The following DCAF8L2 variants were observed in gnomAD, a reference collection of about 807,000 sequenced individuals.
DCAF8L2 encodes DDB1- and CUL4-associated factor 8-like protein 2.
For missense variants in DCAF8L2, 430 were observed against 490.7 expected, an observed-to-expected ratio of 0.88 and a Z score of 1.17; for synonymous variants, 200 against 190.9, an observed-to-expected ratio of 1.05 and a Z score of -0.39.
chrX:27,671,271 T>C (rs1470735465), intron 2 of DCAF8L2, among the ~76,000 whole-genome samples: 1 of 112,276 alleles, frequency 8.9e-6, no homozygotes, highest in Non-Finnish European at 1.9e-5. Flanking sequence ...CTGGTAACTG[T>C]TAAAAAATAA....
chrX:27,676,771 G>A (rs185189037), intron 2 of DCAF8L2, among the ~76,000 whole-genome samples: 55 of 111,804 alleles, frequency 4.9e-4, no homozygotes, highest in Admixed American at 1.4e-3. Flanking sequence ...CGGTATTCAT[G>A]TATCGATTTC....
the DCAF8L2 span, among the ~76,000 whole-genome samples, chrX:27,565,194 T>C: frequency 2.7e-5 from 3 of 110,939 alleles, no homozygotes; most frequent in Non-Finnish European, 3.8e-5. Flanking sequence ...GGTTATTTCA[T>C]ATATGGCTTT....
At chrX:27,619,185 A>G (rs999615002) in intron 1 of DCAF8L2, among the ~76,000 whole-genome samples, 3 of 111,590 alleles carry the variant, frequency 2.7e-5, no homozygotes, top group African/African-American at 9.8e-5. Context: ...AAGTATGACA[A>G]TGTTTTGATG....
chrX:27,673,681 G>A (rs777474512), intron 2 of DCAF8L2, among the ~76,000 whole-genome samples: 1 of 107,839 alleles, frequency 9.3e-6, no homozygotes, highest in Non-Finnish European at 1.9e-5. Flanking sequence ...ATATGTGTGT[G>A]TATATATACG....
chrX:27,731,806 A>G (rs904755618), intron 4 of DCAF8L2, among the ~76,000 whole-genome samples: 3 of 111,933 alleles, frequency 2.7e-5, no homozygotes, highest in African/African-American at 9.7e-5. Flanking sequence ...CTATTAATTT[A>G]TTTAATGTTA....
intron 3 of DCAF8L2, among the ~76,000 whole-genome samples, chrX:27,690,579 A>G (rs1930676183): frequency 9.1e-6 from 1 of 109,898 alleles, no homozygotes; most frequent in Admixed American, 9.8e-5. Context: ...TTGCTGACAT[A>G]TGAATTACAT....
chrX:27,470,039 A>T, the DCAF8L2 span, among the ~76,000 whole-genome samples: 2 of 111,920 alleles, frequency 1.8e-5, no homozygotes, highest in African/African-American at 6.5e-5. Flanking sequence ...AAGTGCTGGG[A>T]TTACAGGCGT....
chrX:27,696,030 A>G (rs777667740), intron 3 of DCAF8L2, among the ~76,000 whole-genome samples: 14 of 107,985 alleles, frequency 1.3e-4, no homozygotes, highest in African/African-American at 4.7e-4. Flanking sequence ...CCCCATCTGC[A>G]CTTAAAGAAA....
intron 3 of DCAF8L2, among the ~76,000 whole-genome samples, chrX:27,709,199 C>T (rs1931442250): frequency 1.8e-5 from 2 of 111,953 alleles, no homozygotes; most frequent in Non-Finnish European, 3.8e-5. Context: ...GGATTACAGG[C>T]GTGAGCCACC....
chrX:27,606,230 AATATATATATATATAGGAATTATAT>A (rs1255765974), intron 1 of DCAF8L2, among the ~76,000 whole-genome samples: 25 of 82,709 alleles, frequency 3.0e-4, no homozygotes, highest in African/African-American at 3.6e-4. Flanking sequence ...CCTAGATACA[AATATATATATATATAGGAATTATAT>A]ATATATATAT....
At chrX:27,673,412 G>A (rs1236033084) in intron 2 of DCAF8L2, among the ~76,000 whole-genome samples, 1 of 104,345 alleles carries the variant, frequency 9.6e-6, no homozygotes, top group African/African-American at 3.5e-5. Flanking sequence ...GGAGGCTGAG[G>A]CACAAGAATC....
intron 3 of DCAF8L2, among the ~76,000 whole-genome samples, chrX:27,684,571 G>A (rs1030026042): frequency 1.8e-5 from 2 of 111,323 alleles, no homozygotes; most frequent in Non-Finnish European, 3.8e-5. Context: ...ATGAATATCA[G>A]AACCATAAAT....
intron 1 of DCAF8L2, among the ~76,000 whole-genome samples, chrX:27,602,737 A>G (rs1926707256): frequency 8.9e-6 from 1 of 111,775 alleles, no homozygotes; most frequent in Admixed American, 9.6e-5. Context: ...TGTTGTTATG[A>G]CTGAAATTCA....
At chrX:27,715,313 G>A (rs1446747581) in intron 3 of DCAF8L2, among the ~76,000 whole-genome samples, 1 of 100,822 alleles carries the variant, frequency 9.9e-6, no homozygotes, top group Non-Finnish European at 2.0e-5. Flanking sequence ...CTTGCAGTGA[G>A]CCAAGATCGC....
chrX:27,616,761 G>A (rs1246877287), intron 1 of DCAF8L2, among the ~76,000 whole-genome samples: 1 of 111,103 alleles, frequency 9.0e-6, no homozygotes. Context: ...TGATATCTCT[G>A]GGGGTAATTG....
At chrX:27,680,744 A>G (rs1286914393) in intron 3 of DCAF8L2, among the ~76,000 whole-genome samples, 5 of 108,927 alleles carry the variant, frequency 4.6e-5, no homozygotes, top group Non-Finnish European at 9.5e-5. Context: ...AATACTTTCA[A>G]TTGTTAAGTG....
intron 3 of DCAF8L2, among the ~76,000 whole-genome samples, chrX:27,704,055 G>GTA (rs1304401952): frequency 1.4e-5 from 1 of 69,887 alleles, no homozygotes; most frequent in Non-Finnish European, 2.6e-5. Context: ...ATAACACATT[G>GTA]TGTGTGTATA....
the DCAF8L2 span, among the ~76,000 whole-genome samples, chrX:27,537,937 T>G: frequency 8.9e-6 from 1 of 112,012 alleles, no homozygotes; most frequent in Non-Finnish European, 1.9e-5. Context: ...TTCCCAATAT[T>G]ATTTCACCAT....
intron 3 of DCAF8L2, among the ~76,000 whole-genome samples, chrX:27,682,490 TTAGAG>T (rs1405837426): frequency 3.6e-5 from 4 of 111,784 alleles, no homozygotes; most frequent in African/African-American, 9.7e-5. Context: ...CCCTTTTACT[TTAGAG>T]TAATTTATTT....
Sources: gnomAD v4.1 joint callset for allele counts (sites outside exome capture counted in the v4.1 genomes callset) on GRCh38, gnomAD v4.1.1 for gene constraint, MANE v1.5 for transcripts, NCBI Gene and HGNC (gene_info 2026-07-23, HGNC 2026-07-21) for gene names.